RBAK: variants seen among roughly 807,000 people sequenced by gnomAD.
RBAK encodes RB-associated KRAB zinc finger protein.
In RBAK, 39 loss-of-function variants were observed where a neutral mutation model predicts 65.8. The observed-to-expected ratio is 0.59, with a 90% CI of 0.46 to 0.77. The LOEUF is 0.77. RBAK is among the 30% of genes least tolerant of loss of function. The pLI is 0.00. For synonymous variants in RBAK, 343 were observed against 289.7 expected (o/e 1.18, Z -1.87); for missense variants, 884 against 855.1 (o/e 1.03, Z -0.42).
chr7:5,050,115 G>A (rs1788083797), intron 2 of RBAK, among the ~76,000 whole-genome samples: 1 of 152,186 alleles, frequency 6.6e-6, no homozygotes, highest in Non-Finnish European at 1.5e-5. Context: ...AGGATTACAG[G>A]TGTAAGCCAC....
chr7:5,054,606 T>C (rs1293132954), intron 2 of RBAK, among the ~76,000 whole-genome samples: 1 of 151,840 alleles, frequency 6.6e-6, no homozygotes, highest in Non-Finnish European at 1.5e-5. Flanking sequence ...TATATATATT[T>C]TTTTCTTTGT....
intron 2 of RBAK, among the ~76,000 whole-genome samples, chr7:5,056,221 C>T (rs1788228973): frequency 1.3e-5 from 2 of 151,098 alleles, no homozygotes; most frequent in African/African-American, 4.9e-5. Flanking sequence ...GATCCTCCTG[C>T]CTTAGCCTCC....
At position 5,067,152 on chromosome 7, in the gene RBAK, T is replaced by G. The variant is rs979019418; in HGVS notation, c.*1551T>G. ...ATAAAAATAAGACAAGGATATCTGC[T>G]GTCAATGATTTTATTCGGCATTGTT... On this transcript the variant is annotated 3_prime_UTR_variant, in exon 5 of 5. Coordinates refer to ENST00000396912, the MANE Select transcript of RBAK (RefSeq NM_021163.4). 2 of 152,164 alleles carry G rather than the reference T, an allele frequency of 1.3e-5. No homozygotes were observed. Among genetic ancestry groups the G allele is most frequent in the African/African-American group, 4.8e-5 (2 of 41,458 alleles). The allele number at this position is 152,164 out of a possible 1,614,324, so 9.4% of individuals were successfully genotyped here. A position where few individuals can be genotyped will look rare whatever the true frequency, so the allele number is the denominator to read the frequency against.
At chr7:5,052,155 T>C (rs1562533876) in intron 2 of RBAK, among the ~76,000 whole-genome samples, 2 of 152,374 alleles carry the variant, frequency 1.3e-5, no homozygotes, top group Non-Finnish European at 2.9e-5. Context: ...GGCTGAAATG[T>C]ACTTTGTTAT....
chr7:5,049,207 T>G lies in RBAK; in HGVS notation c.15+1116T>G, dbSNP rs140830618. Among the ~76,000 whole-genome samples, 1,302 of 152,314 alleles carry G rather than the reference T, an allele frequency of 8.5e-3. 9 individuals carry two copies. The highest frequency in any genetic ancestry group is 0.013 in the Non-Finnish European group (906 of 68,022). The stretch of plus-strand genomic sequence containing the variant: ...CCATTAAGTTACCATAACTTATGGC[T>G]TATTCTTGGTGCTTATGTAAGCAGA... On this transcript the variant is annotated intron_variant, in intron 2 of 4. Transcript: ENST00000396912.
intron 4 of RBAK, among the ~76,000 whole-genome samples, chr7:5,060,623 A>T (rs1337520495): frequency 2.0e-5 from 3 of 152,362 alleles, no homozygotes; most frequent in African/African-American, 7.2e-5. Context: ...AGTATAGCCA[A>T]CACCAGGAGT....
intron 4 of RBAK, among the ~76,000 whole-genome samples, chr7:5,060,285 TATTCTGAACCACAG>T (rs1238134117): frequency 1.3e-5 from 2 of 152,246 alleles, no homozygotes; most frequent in Non-Finnish European, 2.9e-5. Flanking sequence ...AGAGATCATT[TATTCTGAACCACAG>T]ATTCTGATAA....
chr7:5,062,910 C>G (rs550232210), intron 4 of RBAK, among the ~76,000 whole-genome samples: 1 of 152,214 alleles, frequency 6.6e-6, no homozygotes, highest in Non-Finnish European at 1.5e-5. Context: ...TCTCTTGTTC[C>G]CTAAACATTG....
rs558377153 is a variant in RBAK at position 5,068,536 on chromosome 7, T to C, written c.*2935T>C. The C allele has an allele frequency of 1.3e-5, 2 of 152,258 alleles. No homozygotes were observed. The highest frequency in any genetic ancestry group is 4.8e-5 in the African/African-American group (2 of 41,538). 9.4% of individuals were successfully genotyped at this position (152,258 alleles called of 1,614,324 possible). A position where few individuals can be genotyped will look rare whatever the true frequency, so the allele number is the denominator to read the frequency against. On this transcript the variant is annotated 3_prime_UTR_variant, in exon 5 of 5. Coordinates refer to ENST00000396912, the MANE Select transcript of RBAK (RefSeq NM_021163.4). ...AACATGTAGCACTGCTACCCATCCA[T>C]GGAAATGGTTAAAATGAAAAGCATG...
intron 2 of RBAK, among the ~76,000 whole-genome samples, chr7:5,050,332 T>A (rs1788088700): frequency 6.6e-6 from 1 of 152,212 alleles, no homozygotes; most frequent in Non-Finnish European, 1.5e-5. Flanking sequence ...AAAAAATATA[T>A]CTTTTATGCC....
At chr7:5,057,844 G>C in intron 4 of RBAK, 65 bp downstream of exon 4, 4 of 1,585,216 alleles carry the variant, frequency 2.5e-6, no homozygotes, top group Non-Finnish European at 3.5e-6. Flanking sequence ...AGACTAAAGA[G>C]TTGTTTATAT....
Position 5,067,655 on chromosome 7 carries a change from G to A in RBAK, c.*2054G>A, listed in dbSNP as rs903849577. On this transcript the variant is annotated 3_prime_UTR_variant, in exon 5 of 5. Coordinates refer to ENST00000396912, the MANE Select transcript of RBAK (RefSeq NM_021163.4). Reference sequence around the variant, plus strand: ...GCTATCCTGTAGAATGGACAGAGAGGATTGAAATTTCTAAATATCAAGACC... The same window carrying A: ...GCTATCCTGTAGAATGGACAGAGAGAATTGAAATTTCTAAATATCAAGACC... 3 of 152,260 alleles carry A rather than the reference G, an allele frequency of 2.0e-5. No individual in the cohort carries two copies. The highest frequency in any genetic ancestry group is 7.2e-5 in the African/African-American group (3 of 41,552). The allele number at this position is 152,260 out of a possible 1,614,324, so 9.4% of individuals were successfully genotyped here.
chr7:5,050,860 C>T (rs1788101400), intron 2 of RBAK, among the ~76,000 whole-genome samples: 1 of 152,184 alleles, frequency 6.6e-6, no homozygotes, highest in African/African-American at 2.4e-5. Flanking sequence ...CATGAGTCAC[C>T]ACAGCTGGCC....
At position 5,054,073 on chromosome 7, in the gene RBAK, T is replaced by C. The variant is rs546937364; in HGVS notation, c.16-3222T>C. ...GTTCACCTTGTTTATTTCCCATCAC[T>C]CATAGATAACTCTACTGCCTGATAA... On this transcript the variant is annotated intron_variant, in intron 2 of 4. Coordinates refer to ENST00000396912, the MANE Select transcript of RBAK (RefSeq NM_021163.4). Among the ~76,000 whole-genome samples, 3 of 152,306 alleles carry C rather than the reference T, an allele frequency of 2.0e-5. No individual in the cohort carries two copies. In the East Asian group the frequency reaches 5.8e-4, roughly 29 times the overall value.
Position 5,064,867 on chromosome 7 carries a change from G to A in RBAK, c.1411G>A (p.Ala471Thr). 1.2e-6 allele frequency: 2 copies of A among 1,613,616 alleles called. No homozygotes were observed. Among genetic ancestry groups the A allele is most frequent in the South Asian group, 1.1e-5 (1 of 91,040 alleles). The change falls in exon 5 of 5, where the codon GCC becomes ACC. Residue 471 changes from alanine (A) to threonine (T), a missense_variant. Coordinates refer to ENST00000396912, the MANE Select transcript of RBAK (RefSeq NM_021163.4). The surrounding 1 kb of genome is among the most constrained non-coding windows in gnomAD (Gnocchi z 6.3). The part of the protein sequence containing the change: ...ECGKTFNLNS[A>T]FIRHRKVHTE... ...TGGCAAAACCTTCAATTTAAATTCAGCCTTCATTAGACATCGGAAAGTACA... is the reference window on the plus strand; with the variant it reads ...TGGCAAAACCTTCAATTTAAATTCAACCTTCATTAGACATCGGAAAGTACA...
At chr7:5,056,661 G>A (rs1331733076) in intron 2 of RBAK, among the ~76,000 whole-genome samples, 1 of 152,088 alleles carries the variant, frequency 6.6e-6, no homozygotes, top group African/African-American at 2.4e-5. Flanking sequence ...TTCATTTAAC[G>A]AATATTTATT....
chr7:5,061,315 A>C (rs1196337299), intron 4 of RBAK, among the ~76,000 whole-genome samples: 1 of 152,148 alleles, frequency 6.6e-6, no homozygotes, highest in African/African-American at 2.4e-5. Flanking sequence ...TCTGGTGGTC[A>C]TGCTCTTAAC....
Position 5,048,617 on chromosome 7 carries a change from C to G in RBAK, c.15+526C>G, listed in dbSNP as rs1788047435. ...TAAGGCTGTTGAAATTGAGCCGCAC[C>G]CAGGACTGATATTCTTGGCAGTCAT... On this transcript the variant is annotated intron_variant, in intron 2 of 4. Transcript: ENST00000396912. This position sits in a 1 kb window ranked among gnomAD's most constrained non-coding sequence, Gnocchi z 4.4. 6.6e-6 allele frequency among the ~76,000 whole-genome samples: 1 copy of G among 152,152 alleles called. No homozygotes were observed. The highest frequency in any genetic ancestry group is 1.5e-5 in the Non-Finnish European group (1 of 68,030).
At position 5,064,866 on chromosome 7, in the gene RBAK, A is replaced by T; in HGVS notation, c.1410A>T (p.Ser470=). Residue 470 remains serine, a synonymous_variant, in exon 5 of 5, where the codon TCA becomes TCT. Transcript: ENST00000396912. This position sits in a 1 kb window ranked among gnomAD's most constrained non-coding sequence, Gnocchi z 6.3. Reference sequence around the variant, plus strand: ...GTGGCAAAACCTTCAATTTAAATTCAGCCTTCATTAGACATCGGAAAGTAC... The same window carrying T: ...GTGGCAAAACCTTCAATTTAAATTCTGCCTTCATTAGACATCGGAAAGTAC... ...NECGKTFNLN[S]AFIRHRKVHT... 6.2e-7 allele frequency: 1 copy of T among 1,614,034 alleles called. No individual in the cohort carries two copies. Among genetic ancestry groups the T allele is most frequent in the Non-Finnish European group, 8.5e-7 (1 of 1,179,874 alleles).
Sources: allele counts gnomAD v4.1 joint callset (sites outside exome capture counted in the v4.1 genomes callset), GRCh38; gene constraint gnomAD v4.1.1; non-coding constraint Gnocchi (gnomAD v3.1); transcripts MANE v1.5; gene names NCBI Gene and HGNC (gene_info 2026-07-23, HGNC 2026-07-21).